Variants in CSMD2 observed in about 807,000 individuals in gnomAD.
CSMD2 encodes the protein CUB and Sushi multiple domains 2.
A neutral mutation model predicts 398.5 loss-of-function variants in CSMD2; 130 were observed. The ratio of observed to expected loss-of-function variants is 0.33; its 90% CI spans 0.28 to 0.38. The LOEUF (loss-of-function observed/expected upper bound fraction) is 0.38. Among genes scored for constraint, CSMD2 ranks in the 10% least tolerant of loss-of-function variants. The pLI is 1.00. For synonymous variants in CSMD2, 1,828 were observed against 1,908.5 expected, an observed-to-expected ratio of 0.96 and a Z score of 1.10; for missense variants, 3,829 against 4,764.9, an observed-to-expected ratio of 0.80 and a Z score of 5.78.
intron 32 of CSMD2, among the ~76,000 whole-genome samples, chr1:33,627,455 G>A (rs1276214922): frequency 6.6e-6 from 1 of 152,078 alleles, no homozygotes; most frequent in Admixed American, 6.5e-5. Context: ...GCAGCCTCAG[G>A]GACCCCTGAG....
chr1:34,057,126 G>A (rs962276309), intron 2 of CSMD2, among the ~76,000 whole-genome samples: 1 of 152,060 alleles, frequency 6.6e-6, no homozygotes, highest in South Asian at 2.1e-4. Context: ...GAGTGGGAGC[G>A]AAAGCCTAGC....
At chr1:33,577,623 T>A (rs1265080294) in intron 48 of CSMD2, 139 bp from the exon 49 acceptor site, 6 of 672,924 alleles carry the variant, frequency 8.9e-6, no homozygotes, top group Non-Finnish European at 1.4e-5. Context: ...TTGAGGAAAG[T>A]CTGAATGGTG....
At chr1:33,580,964 C>A in intron 47 of CSMD2, 65 bp from the exon 48 acceptor site, 5 of 1,552,146 alleles carry the variant, frequency 3.2e-6, no homozygotes, top group South Asian at 2.4e-5. Context: ...CCAGGGAAGA[C>A]CTCAGGGCTC....
At chr1:33,610,361 A>T (rs1640913266) in intron 41 of CSMD2, among the ~76,000 whole-genome samples, 1 of 152,158 alleles carries the variant, frequency 6.6e-6, no homozygotes, top group African/African-American at 2.4e-5. Context: ...GGAAGCATCC[A>T]AGGGCGAGGT....
intron 44 of CSMD2, chr1:33,600,258 T>C (rs780813128): frequency 1.5e-6 from 1 of 689,504 alleles, no homozygotes; most frequent in Non-Finnish European, 2.7e-6. Context: ...ATTGCAAATA[T>C]GTGCATCATT....
intron 13 of CSMD2, among the ~76,000 whole-genome samples, chr1:33,762,946 G>A (rs1315570526): frequency 6.6e-6 from 1 of 152,026 alleles, no homozygotes; most frequent in Non-Finnish European, 1.5e-5. Context: ...GGGAGTACTG[G>A]ACCATGCATC....
Position 33,567,665 on chromosome 1 carries a change from G to A in CSMD2, c.8308C>T (p.Arg2770Cys), listed in dbSNP as rs933232480. 5.0e-6 allele frequency: 8 copies of A among 1,614,088 alleles called. No homozygotes were observed. Among genetic ancestry groups the A allele is most frequent in the African/African-American group, 1.3e-5 (1 of 75,028 alleles). Residue 2770 changes from arginine to cysteine, a missense_variant, in exon 53 of 71, where the codon CGC (arginine) becomes TGC (cysteine). By Grantham distance (180) the Arg-to-Cys change is radical. Around this residue, in one of 5 missense-constraint regions of CSMD2, gnomAD observed 917 missense variants for 1,199.5 expected, o/e 0.76. Coordinates refer to ENST00000373381, the MANE Select transcript of CSMD2 (RefSeq NM_001281956.2). ...ATGCGCACAGACATGCCGATCAGGC[G>A]GAAGCCAGCATTGCATTGGTACACC... ...SVVYQCNAGF[R>C]LIGMSVRICQ...
At chr1:33,886,987 A>T (rs569133822) in intron 5 of CSMD2, among the ~76,000 whole-genome samples, 43 of 151,238 alleles carry the variant, frequency 2.8e-4, no homozygotes, top group East Asian at 1.5e-3. Flanking sequence ...TTTTTTTTTT[A>T]AATTTATTTA....
intron 55 of CSMD2, among the ~76,000 whole-genome samples, chr1:33,554,684 T>C (rs901347991): frequency 1.3e-5 from 2 of 152,200 alleles, no homozygotes; most frequent in Admixed American, 1.3e-4. Context: ...TCTGCTCTGC[T>C]TGTGCTCTAT....
chr1:33,602,427 C>T lies in CSMD2; in HGVS notation c.6652G>A (p.Val2218Ile), dbSNP rs376795247. 47 of 1,613,822 alleles carry T rather than the reference C, an allele frequency of 2.9e-5. 1 individual carries two copies. In the East Asian group the frequency reaches 6.2e-4, roughly 21 times the overall value. Residue 2218 changes from valine to isoleucine, a missense_variant, in exon 43 of 71, where the codon GTC (valine) becomes ATC (isoleucine). Coordinates refer to ENST00000373381, the MANE Select transcript of CSMD2 (RefSeq NM_001281956.2). ...WLITVPIGHG[V>I]RLNLSLLQTE... ...TGCAGCAGGCTGAGGTTGAGGCGGA[C>T]GCCATGGCCAATGGGCACGGTGATC...
intron 7 of CSMD2, among the ~76,000 whole-genome samples, chr1:33,823,705 C>T (rs927045660): frequency 6.6e-6 from 1 of 152,204 alleles, no homozygotes; most frequent in Non-Finnish European, 1.5e-5. Context: ...GGCCAGCCAC[C>T]TGAAGACATG....
intron 1 of CSMD2, among the ~76,000 whole-genome samples, chr1:34,149,229 C>CA (rs1640061838): frequency 6.6e-6 from 1 of 152,172 alleles, no homozygotes; most frequent in South Asian, 2.1e-4. Context: ...CTAAATACCC[C>CA]TTCACTGAGC....
chr1:33,683,537 A>G (rs1378182840), intron 25 of CSMD2, among the ~76,000 whole-genome samples: 1 of 152,204 alleles, frequency 6.6e-6, no homozygotes, highest in Non-Finnish European at 1.5e-5. Flanking sequence ...TTTTCCTCCT[A>G]AGAGATGTTG....
intron 5 of CSMD2, among the ~76,000 whole-genome samples, chr1:33,909,373 T>C (rs1229849450): frequency 6.6e-6 from 1 of 152,026 alleles, no homozygotes; most frequent in Non-Finnish European, 1.5e-5. Context: ...CTCAGAGAGG[T>C]CAGATTTAGA....
chr1:34,094,873 A>G (rs1202115296), intron 1 of CSMD2, among the ~76,000 whole-genome samples: 2 of 150,110 alleles, frequency 1.3e-5, no homozygotes, highest in Non-Finnish European at 3.0e-5. Context: ...CAACAAGGAT[A>G]CCCAGGAATT....
chr1:33,591,988 C>T (rs576424060), intron 44 of CSMD2: 6 of 208,858 alleles, frequency 2.9e-5, no homozygotes, highest in African/African-American at 1.4e-4. Context: ...GCAATATCTT[C>T]ATGCACATAT....
At chr1:33,659,798 A>C (rs1272644297) in intron 26 of CSMD2, among the ~76,000 whole-genome samples, 1 of 152,210 alleles carries the variant, frequency 6.6e-6, no homozygotes, top group Non-Finnish European at 1.5e-5. Context: ...CCTTCTACTC[A>C]ATAACACCTA....
At chr1:33,521,421 A>G in intron 68 of CSMD2, 42 bp downstream of exon 68, 1 of 719,594 alleles carries the variant, frequency 1.4e-6, no homozygotes, top group Non-Finnish European at 2.6e-6. Context: ...TTTCTCTCCC[A>G]CCCACCCGGG....
At chr1:33,765,897 C>G (rs1420115366) in intron 13 of CSMD2, among the ~76,000 whole-genome samples, 2 of 152,242 alleles carry the variant, frequency 1.3e-5, no homozygotes, top group African/African-American at 2.4e-5. Flanking sequence ...ACAGCAAATG[C>G]CCCATGTCCC....
Sources: gnomAD v4.1 joint callset for allele counts (sites outside exome capture counted in the v4.1 genomes callset) on GRCh38, gnomAD v4.1.1 for gene constraint, gnomAD v4.1.1 regional missense constraint, MANE v1.5 for transcripts, NCBI Gene and HGNC (gene_info 2026-07-23, HGNC 2026-07-21) for gene names.